TAF3: variants seen among roughly 807,000 people sequenced by gnomAD.
The protein encoded by TAF3 is transcription initiation factor TFIID subunit 3.
Under a neutral mutation model 80.6 loss-of-function variants are expected in TAF3, and 7 were observed. The observed-to-expected ratio is 0.09, with a 90% CI of 0.05 to 0.16. The LOEUF (loss-of-function observed/expected upper bound fraction) is 0.16, where lower values mean the gene tolerates loss of function less well. Ranked by LOEUF, TAF3 falls within the 10% of genes least tolerant of loss-of-function variation. The pLI is 1.00. For missense variants in TAF3, 921 were observed against 1,140.2 expected (o/e 0.81, Z 2.77); for synonymous variants, 444 against 446.1 (o/e 1.00, Z 0.06).
intron 4 of TAF3, among the ~76,000 whole-genome samples, chr10:8,001,366 AT>A (rs1002265882): frequency 5.3e-5 from 8 of 151,942 alleles, no homozygotes; most frequent in African/African-American, 1.9e-4. Context: ...AAAATGGAAC[AT>A]TTTTTTCTTG....
intron 4 of TAF3, among the ~76,000 whole-genome samples, chr10:7,986,298 C>G (rs1831776603): frequency 6.6e-6 from 1 of 152,146 alleles, no homozygotes; most frequent in South Asian, 2.1e-4. Flanking sequence ...TGCCAAGTTA[C>G]TGGAAAGTTC....
chr10:7,953,701 CA>C (rs1838106085), intron 2 of TAF3, among the ~76,000 whole-genome samples: 1 of 152,184 alleles, frequency 6.6e-6, no homozygotes, highest in Non-Finnish European at 1.5e-5. Context: ...TAAGGACAGC[CA>C]ATCATGTCTT....
intron 2 of TAF3, among the ~76,000 whole-genome samples, chr10:7,868,491 C>G (rs972167740): frequency 5.9e-5 from 9 of 151,510 alleles, no homozygotes; most frequent in African/African-American, 2.2e-4. Context: ...GACATAGCGG[C>G]CAAGTTCTAG....
chr10:7,992,128 G>A (rs900546494), intron 4 of TAF3, among the ~76,000 whole-genome samples: 1 of 152,184 alleles, frequency 6.6e-6, no homozygotes, highest in East Asian at 1.9e-4. Flanking sequence ...CATGTTGAAT[G>A]TTCAATTTCA....
chr10:7,863,686 C>CACACATATATATAT (rs1837176035), intron 2 of TAF3, among the ~76,000 whole-genome samples: 1 of 80,320 alleles, frequency 1.2e-5, no homozygotes, highest in Non-Finnish European at 2.3e-5. Flanking sequence ...TATATATATA[C>CACACATATATATAT]ACACACATAT....
intron 2 of TAF3, among the ~76,000 whole-genome samples, chr10:7,906,702 A>T (rs1485699565): frequency 4.0e-5 from 6 of 151,862 alleles, no homozygotes; most frequent in Admixed American, 2.0e-4. Flanking sequence ...CGAATTAAAT[A>T]GAGCGCAAGC....
At chr10:7,922,529 A>G (rs530899786) in intron 2 of TAF3, among the ~76,000 whole-genome samples, 64 of 152,122 alleles carry the variant, frequency 4.2e-4, no homozygotes, top group African/African-American at 1.4e-3. Flanking sequence ...GCTGATTAAT[A>G]AAGTAAGTTG....
At chr10:7,909,703 G>T (rs967383477) in intron 2 of TAF3, among the ~76,000 whole-genome samples, 1 of 152,144 alleles carries the variant, frequency 6.6e-6, no homozygotes, top group Non-Finnish European at 1.5e-5. Flanking sequence ...ACTTTCTTAG[G>T]CCCATTTGAT....
intron 5 of TAF3, among the ~76,000 whole-genome samples, chr10:8,011,641 C>T (rs534188594): frequency 2.6e-5 from 4 of 152,280 alleles, no homozygotes; most frequent in Non-Finnish European, 5.9e-5. Context: ...CAAATTGGTC[C>T]ATTCGGGGAC....
intron 2 of TAF3, among the ~76,000 whole-genome samples, chr10:7,922,076 C>T (rs1837768071): frequency 6.6e-6 from 1 of 151,970 alleles, no homozygotes; most frequent in Non-Finnish European, 1.5e-5. Context: ...ACAGTGATGG[C>T]CTGTTTACTT....
At position 7,965,818 on chromosome 10, in the gene TAF3, A is replaced by G. The variant is rs77997691; in HGVS notation, c.2232+76A>G. 1.6e-3 allele frequency: 2,257 copies of G among 1,414,076 alleles called. 27 individuals carry two copies. In the African/African-American group the frequency reaches 0.025, roughly 16 times the overall value. 87.6% of individuals were successfully genotyped at this position (1,414,076 alleles called of 1,614,324 possible). On this transcript the variant is annotated intron_variant, in intron 3 of 6. Transcript: ENST00000344293. ...ACACAGGTAAACAAAGCCCACAATT[A>G]TATCTGTATTCTGGGTGTAAATCAC... is the stretch of plus-strand genomic sequence containing the variant.
chr10:7,902,391 C>G (rs1837566589), intron 2 of TAF3, among the ~76,000 whole-genome samples: 2 of 152,048 alleles, frequency 1.3e-5, no homozygotes, highest in African/African-American at 2.4e-5. Flanking sequence ...CCACTGCACT[C>G]TAGCCTGGGC....
chr10:7,831,504 C>T (rs560463620), intron 2 of TAF3, among the ~76,000 whole-genome samples: 40 of 152,246 alleles, frequency 2.6e-4, no homozygotes, highest in African/African-American at 9.4e-4. Context: ...TGCCACCACG[C>T]CCGGCTAATT....
At chr10:7,999,034 A>G (rs1831917790) in intron 4 of TAF3, among the ~76,000 whole-genome samples, 2 of 152,150 alleles carry the variant, frequency 1.3e-5, no homozygotes, top group Non-Finnish European at 2.9e-5. Context: ...TGGCTGAGGA[A>G]GTGGAATCTG....
chr10:7,946,272 TC>T (rs1410624687), intron 2 of TAF3, among the ~76,000 whole-genome samples: 2 of 152,182 alleles, frequency 1.3e-5, no homozygotes, highest in African/African-American at 4.8e-5. Context: ...ACCTGCTCCT[TC>T]CCATGCCTCA....
intron 3 of TAF3, among the ~76,000 whole-genome samples, chr10:7,971,521 T>C (rs576213519): frequency 3.9e-5 from 6 of 151,918 alleles, no homozygotes; most frequent in Non-Finnish European, 7.4e-5. Context: ...CTTGGACAGA[T>C]TATATTGACA....
intron 4 of TAF3, among the ~76,000 whole-genome samples, chr10:8,008,801 A>G (rs1413018033): frequency 6.6e-6 from 1 of 152,180 alleles, no homozygotes; most frequent in Non-Finnish European, 1.5e-5. Context: ...GGAACAGGCA[A>G]TTGAAGTCAT....
At chr10:7,940,250 A>T (rs997983637) in intron 2 of TAF3, among the ~76,000 whole-genome samples, 1 of 152,232 alleles carries the variant, frequency 6.6e-6, no homozygotes, top group African/African-American at 2.4e-5. Context: ...AGACATGTGG[A>T]GTCTGAAAAC....
chr10:7,826,545 AAG>A (rs1358331500), intron 2 of TAF3, among the ~76,000 whole-genome samples: 1 of 152,204 alleles, frequency 6.6e-6, no homozygotes, highest in Admixed American at 6.5e-5. Flanking sequence ...GAAGCAAAAA[AAG>A]AAACTCATTT....
Sources: gnomAD v4.1 joint callset for allele counts (sites outside exome capture counted in the v4.1 genomes callset) on GRCh38, gnomAD v4.1.1 for gene constraint, MANE v1.5 for transcripts, NCBI Gene and HGNC (gene_info 2026-07-23, HGNC 2026-07-21) for gene names.